PLCB4: variants seen among roughly 807,000 people sequenced by gnomAD.
The protein encoded by PLCB4 is phospholipase C beta 4.
PLCB4 carries 77 observed loss-of-function variants against 178.8 expected under a neutral mutation model. The ratio of observed to expected loss-of-function variants is 0.43; its 90% CI spans 0.36 to 0.52. The LOEUF (loss-of-function observed/expected upper bound fraction) is 0.52, where lower values mean the gene tolerates loss of function less well. Ranked by LOEUF, PLCB4 falls within the 20% of genes least tolerant of loss-of-function variation. The pLI is 0.00. For missense variants in PLCB4, 1,024 were observed against 1,453.4 expected (o/e 0.70, Z 4.80); for synonymous variants, 496 against 490.8 (o/e 1.01, Z -0.14).
intron 3 of PLCB4, among the ~76,000 whole-genome samples, chr20:9,266,224 C>A (rs967836409): frequency 6.6e-6 from 1 of 152,092 alleles, no homozygotes; most frequent in Non-Finnish European, 1.5e-5. Flanking sequence ...CTGTCTCTGC[C>A]CCAGATCTAC....
intron 1 of PLCB4, among the ~76,000 whole-genome samples, chr20:9,072,841 C>T (rs1367371472): frequency 1.3e-5 from 2 of 152,150 alleles, no homozygotes; most frequent in African/African-American, 2.4e-5. Flanking sequence ...TGTTTATTTT[C>T]CCTGCATGCA....
intron 2 of PLCB4, among the ~76,000 whole-genome samples, chr20:9,158,094 A>G (rs1240842244): frequency 1.3e-5 from 2 of 152,228 alleles, no homozygotes; most frequent in Non-Finnish European, 2.9e-5. Context: ...ATTCTAAGTA[A>G]TTTGCCCAAA....
At chr20:9,152,149 G>C (rs13036264) in intron 2 of PLCB4, among the ~76,000 whole-genome samples, 21,198 of 152,144 alleles carry the variant, frequency 0.14, 1,593 homozygotes, top group Middle Eastern at 0.18. Flanking sequence ...AAGGGAAGCA[G>C]AGCATAAAAG....
At chr20:9,400,095 G>C (rs990998665) in intron 19 of PLCB4, among the ~76,000 whole-genome samples, 1 of 151,938 alleles carries the variant, frequency 6.6e-6, no homozygotes, top group Non-Finnish European at 1.5e-5. Context: ...TTACCCACTT[G>C]TTGTTGTTGT....
At chr20:9,290,078 A>G (rs1292634383) in intron 3 of PLCB4, among the ~76,000 whole-genome samples, 1 of 151,806 alleles carries the variant, frequency 6.6e-6, no homozygotes, top group Admixed American at 6.6e-5. Context: ...TCTCCAGGTC[A>G]GGCCGTTGAG....
chr20:9,274,217 G>C (rs2094432205), intron 3 of PLCB4, among the ~76,000 whole-genome samples: 1 of 152,108 alleles, frequency 6.6e-6, no homozygotes, highest in Admixed American at 6.6e-5. Flanking sequence ...AAATGTTAAA[G>C]AAACAGATGT....
rs879936762 is a variant in PLCB4 at position 9,442,391 on chromosome 20, C to T, written c.2765-1590C>T. On this transcript the variant is annotated intron_variant, in intron 30 of 39. Transcript: ENST00000378473. ...TCTGTAGAGTGTGGTTTTTTTTTTT[C>T]TAACTAAATCACTTATGGGAATCAA... Among the ~76,000 whole-genome samples, 11 of 147,316 alleles carry T rather than the reference C, an allele frequency of 7.5e-5. No individual in the cohort carries two copies. The East Asian group carries it at 1.4e-3, about 19-fold the overall frequency.
chr20:9,170,832 T>G (rs961471599), intron 2 of PLCB4, among the ~76,000 whole-genome samples: 2 of 152,216 alleles, frequency 1.3e-5, no homozygotes, highest in Admixed American at 1.3e-4. Flanking sequence ...TGCCAGACTC[T>G]CAAAATGGCC....
rs779485379 is a variant in PLCB4 at position 9,197,923 on chromosome 20, C to T, written c.-78-19467C>T. Among the ~76,000 whole-genome samples, 42 of 151,910 alleles carry T rather than the reference C, an allele frequency of 2.8e-4. 1 individual carries two copies. Among genetic ancestry groups the T allele is most frequent in the African/African-American group, 8.9e-4 (37 of 41,410 alleles). Reference sequence around the variant, plus strand: ...CTGGGAGGCAGAGGTTGCAGTGAGCCGAGATTGTGCCATTGCACTCCAGCC... The same window carrying T: ...CTGGGAGGCAGAGGTTGCAGTGAGCTGAGATTGTGCCATTGCACTCCAGCC... On this transcript the variant is annotated intron_variant, in intron 2 of 39. Transcript: ENST00000378473.
intron 32 of PLCB4, among the ~76,000 whole-genome samples, chr20:9,447,104 G>T (rs17483096): frequency 6.6e-6 from 1 of 152,082 alleles, no homozygotes; most frequent in Non-Finnish European, 1.5e-5. Flanking sequence ...ATTGATACTT[G>T]CTTAAGCACA....
At chr20:9,390,009 C>A (rs1260985138) in intron 16 of PLCB4, 51 bp downstream of exon 16, 4 of 916,178 alleles carry the variant, frequency 4.4e-6, no homozygotes, top group Middle Eastern at 2.2e-4. Flanking sequence ...GTTTCCTAAC[C>A]CCTAATGCCC....
chr20:9,238,066 A>G (rs1413141817), intron 3 of PLCB4, among the ~76,000 whole-genome samples: 2 of 152,158 alleles, frequency 1.3e-5, no homozygotes, highest in Non-Finnish European at 2.9e-5. Context: ...CGAAAGAAGG[A>G]AATGATTAAC....
At chr20:9,108,638 CTT>C (rs908679641) in intron 2 of PLCB4, among the ~76,000 whole-genome samples, 1 of 141,436 alleles carries the variant, frequency 7.1e-6, no homozygotes, top group South Asian at 2.3e-4. Context: ...ACAAGATCTT[CTT>C]TTTTTTTTTC....
chr20:9,262,075 C>A (rs1461808353), intron 3 of PLCB4, among the ~76,000 whole-genome samples: 3 of 152,120 alleles, frequency 2.0e-5, no homozygotes, highest in African/African-American at 7.2e-5. Context: ...GGTGATCATT[C>A]TGGAAAGTGG....
chr20:9,232,499 A>C (rs1228189032), intron 3 of PLCB4, among the ~76,000 whole-genome samples: 1 of 152,140 alleles, frequency 6.6e-6, no homozygotes, highest in African/African-American at 2.4e-5. Flanking sequence ...AACCATTCAG[A>C]GTCTCATCAT....
chr20:9,384,228 G>A lies in PLCB4; in HGVS notation c.881G>A (p.Arg294Lys), dbSNP rs1387624368. 10 of 1,614,032 alleles carry A rather than the reference G, an allele frequency of 6.2e-6. No individual in the cohort carries two copies. Among genetic ancestry groups the A allele is most frequent in the Non-Finnish European group, 8.5e-6 (10 of 1,179,882 alleles). ...KGLISSDGFC[R>K]YLMSDENAPV... is the part of the protein sequence containing the mutation. ...CTTATATCAAGTGATGGGTTTTGCA[G>A]ATATCTGATGTCAGATGAAAACGCC... The change falls in exon 14 of 40, where the codon AGA (arginine) becomes AAA (lysine). Residue 294 changes from arginine to lysine, a missense_variant. Around this residue, in one of 7 missense-constraint regions of PLCB4, gnomAD observed 263 missense variants for 417.4 expected, o/e 0.63. Transcript: ENST00000378473.
chr20:9,443,851 G>A (rs1336387883), intron 30 of PLCB4, 130 bp from the exon 31 acceptor site: 8 of 597,534 alleles, frequency 1.3e-5, no homozygotes, highest in Non-Finnish European at 2.4e-5. Flanking sequence ...AACTTAAGAT[G>A]TTTATATTCA....
chr20:9,406,073 T>C (rs2039413027), intron 21 of PLCB4, among the ~76,000 whole-genome samples: 1 of 152,228 alleles, frequency 6.6e-6, no homozygotes, highest in Admixed American at 6.5e-5. Context: ...TCTCTTGTTC[T>C]AGAATTTCAT....
intron 25 of PLCB4, among the ~76,000 whole-genome samples, chr20:9,418,514 A>G (rs918998170): frequency 3.3e-5 from 5 of 152,126 alleles, no homozygotes; most frequent in Non-Finnish European, 7.4e-5. Flanking sequence ...ATTCTGTCTC[A>G]ATGAGTTATG....
Sources: gnomAD v4.1 joint callset for allele counts (sites outside exome capture counted in the v4.1 genomes callset) on GRCh38, gnomAD v4.1.1 for gene constraint, gnomAD v4.1.1 regional missense constraint, MANE v1.5 for transcripts, NCBI Gene and HGNC (gene_info 2026-07-23, HGNC 2026-07-21) for gene names.